RGS7: variants seen among roughly 807,000 people sequenced by gnomAD.
RGS7 encodes the protein regulator of G-protein signaling 7.
RGS7 carries 27 observed loss-of-function variants against 81.1 expected under a neutral mutation model. The observed-to-expected ratio is 0.33, with a 90% confidence interval of 0.25 to 0.46. RGS7 has a LOEUF of 0.46. Ranked by LOEUF, RGS7 falls within the 20% of genes least tolerant of loss-of-function variation. The pLI is 1.00. For synonymous variants in RGS7, 208 were observed against 207.7 expected (o/e 1.00, Z -0.01); for missense variants, 396 against 607.4 (o/e 0.65, Z 3.66).
chr1:241,144,575 A>C lies in RGS7; in HGVS notation c.79-45813T>G, dbSNP rs145044323. On this transcript the variant is annotated intron_variant, in intron 2 of 18. Transcript: ENST00000440928. This position sits in a 1 kb window ranked among gnomAD's most constrained non-coding sequence, Gnocchi z 4.7. ...GTGTGACTGCTTTCAAAGAGCCAGC[A>C]CTCCTCAGCAGAAGCCTAATCATCT... is the stretch of plus-strand genomic sequence containing the variant. Among the ~76,000 whole-genome samples, 20 of 151,776 alleles carry C rather than the reference A, an allele frequency of 1.3e-4. No homozygotes were observed. In the East Asian group the frequency reaches 3.7e-3, roughly 28 times the overall value.
intron 3 of RGS7, among the ~76,000 whole-genome samples, chr1:241,022,885 T>G (rs1379416913): frequency 4.6e-5 from 7 of 152,128 alleles, no homozygotes; most frequent in Non-Finnish European, 1.0e-4. Flanking sequence ...GTTAGGTAAC[T>G]TGCTGGTGGC....
chr1:240,966,685 A>C (rs1682356676), intron 4 of RGS7, among the ~76,000 whole-genome samples: 1 of 152,144 alleles, frequency 6.6e-6, no homozygotes, highest in Non-Finnish European at 1.5e-5. Context: ...TTAGAGAAAA[A>C]ATTGATTAAT....
At chr1:240,911,171 T>C (rs979460334) in intron 6 of RGS7, among the ~76,000 whole-genome samples, 2 of 152,176 alleles carry the variant, frequency 1.3e-5, no homozygotes, top group African/African-American at 4.8e-5. Flanking sequence ...CCCTTCCATA[T>C]TGAACACCAT....
chr1:241,174,620 G>T (rs1253166122), intron 2 of RGS7, among the ~76,000 whole-genome samples: 3 of 152,100 alleles, frequency 2.0e-5, no homozygotes, highest in Non-Finnish European at 4.4e-5. Flanking sequence ...TTTATGTGGG[G>T]GCTATCATTT....
intron 4 of RGS7, among the ~76,000 whole-genome samples, chr1:240,969,681 A>G (rs1366220275): frequency 1.3e-5 from 2 of 152,264 alleles, no homozygotes; most frequent in Non-Finnish European, 2.9e-5. Context: ...GCATTTATAG[A>G]TGCATGTGCT....
chr1:241,151,224 C>T (rs2068725906), intron 2 of RGS7, among the ~76,000 whole-genome samples: 1 of 152,194 alleles, frequency 6.6e-6, no homozygotes, highest in South Asian at 2.1e-4. Flanking sequence ...CTAAAATTAG[C>T]TATCACGCAG....
intron 6 of RGS7, among the ~76,000 whole-genome samples, chr1:240,920,874 G>A (rs12094527): frequency 0.017 from 2,550 of 151,760 alleles, 56 homozygotes; most frequent in African/African-American, 0.057. Context: ...GGGTCTTAAT[G>A]TAGATTTTTT....
intron 2 of RGS7, among the ~76,000 whole-genome samples, chr1:241,326,597 A>G (rs2081508158): frequency 6.7e-6 from 1 of 150,020 alleles, no homozygotes; most frequent in Non-Finnish European, 1.5e-5. Flanking sequence ...TTAGAAAGAC[A>G]CATTAAATGT....
In RGS7 at chr1:241,031,736, G is replaced by C. The variant is rs78683552; in HGVS notation, c.176-48607C>G. 7.9e-3 allele frequency among the ~76,000 whole-genome samples: 1,205 copies of C among 152,128 alleles called. 17 individuals are homozygous for C. Among genetic ancestry groups the C allele is most frequent in the African/African-American group, 0.028 (1,144 of 41,506 alleles). ...TTTATCTGATAATTGGTGATGTCTA[G>C]CATTTTTTCACATGCTTGTTGGCCA... On this transcript the variant is annotated intron_variant, in intron 3 of 18. Coordinates refer to ENST00000440928, the MANE Select transcript of RGS7 (RefSeq NM_001364886.1).
intron 2 of RGS7, among the ~76,000 whole-genome samples, chr1:241,324,112 T>C (rs2081358346): frequency 1.3e-5 from 2 of 152,216 alleles, no homozygotes; most frequent in African/African-American, 4.8e-5. Flanking sequence ...TGTTAGACGA[T>C]GATCAGGAGC....
intron 14 of RGS7, 103 bp from the exon 15 acceptor site, chr1:240,806,429 G>T: frequency 9.0e-7 from 1 of 1,108,142 alleles, no homozygotes; most frequent in Non-Finnish European, 1.4e-6. Context: ...CTCACAGCCA[G>T]CTCACTTTCT....
intron 2 of RGS7, among the ~76,000 whole-genome samples, chr1:241,161,946 A>C (rs1348070860): frequency 1.3e-5 from 2 of 151,880 alleles, no homozygotes; most frequent in Non-Finnish European, 2.9e-5. Flanking sequence ...CGAACTCCTG[A>C]CCTCAGGTGA....
chr1:240,840,555 G>C (rs1355689587), intron 9 of RGS7, among the ~76,000 whole-genome samples: 1 of 152,226 alleles, frequency 6.6e-6, no homozygotes, highest in Non-Finnish European at 1.5e-5. Context: ...TTTCAGGCGT[G>C]ACCCACTGCG....
At chr1:240,856,514 C>A (rs1355759444) in intron 9 of RGS7, among the ~76,000 whole-genome samples, 1 of 152,110 alleles carries the variant, frequency 6.6e-6, no homozygotes, top group Non-Finnish European at 1.5e-5. Context: ...AAATGTACCA[C>A]TTTACTTCTC....
chr1:241,162,250 C>A (rs1304748546), intron 2 of RGS7, among the ~76,000 whole-genome samples: 1 of 134,378 alleles, frequency 7.4e-6, no homozygotes, highest in Admixed American at 8.0e-5. Context: ...AGAAGTTGGG[C>A]GAGCACGCTA....
At chr1:241,200,395 A>G (rs182909324) in intron 2 of RGS7, among the ~76,000 whole-genome samples, 89 of 152,316 alleles carry the variant, frequency 5.8e-4, no homozygotes, top group South Asian at 1.0e-3. Flanking sequence ...AAACACGTCC[A>G]TGTAACCAAC....
chr1:241,259,464 G>A (rs1438853748), intron 2 of RGS7, among the ~76,000 whole-genome samples: 5 of 151,198 alleles, frequency 3.3e-5, no homozygotes, highest in Non-Finnish European at 7.4e-5. Context: ...AGACCAGCCT[G>A]ACCAACATGG....
intron 6 of RGS7, among the ~76,000 whole-genome samples, chr1:240,897,585 T>C (rs774048945): frequency 5.9e-5 from 9 of 152,228 alleles, no homozygotes; most frequent in Non-Finnish European, 8.8e-5. Flanking sequence ...GGATTACTTT[T>C]ATTGATTTGC....
At chr1:241,297,174 C>G (rs1201706407) in intron 2 of RGS7, among the ~76,000 whole-genome samples, 2 of 152,020 alleles carry the variant, frequency 1.3e-5, no homozygotes, top group African/African-American at 2.4e-5. Context: ...ACTGCTGTAT[C>G]CCCAGAACTT....
Sources: allele counts gnomAD v4.1 joint callset (sites outside exome capture counted in the v4.1 genomes callset), GRCh38; gene constraint gnomAD v4.1.1; non-coding constraint Gnocchi (gnomAD v3.1); transcripts MANE v1.5; gene names NCBI Gene and HGNC (gene_info 2026-07-23, HGNC 2026-07-21).